The following CCP110 variants were observed in gnomAD, a reference collection of about 807,000 sequenced individuals.
CCP110 encodes centriolar coiled-coil protein 110.
In CCP110, 43 loss-of-function variants were observed where a neutral mutation model predicts 105.5. That is an observed-to-expected ratio of 0.41 (90% CI 0.32 to 0.53). The LOEUF is 0.53. Among genes scored for constraint, CCP110 ranks in the 20% least tolerant of loss-of-function variants. CCP110 has a pLI of 0.32. For synonymous variants in CCP110, 353 were observed against 392.1 expected, an observed-to-expected ratio of 0.90 and a Z score of 1.18; for missense variants, 1,016 against 1,189.1, an observed-to-expected ratio of 0.85 and a Z score of 2.14.
At chr16:19,551,704 T>C (rs888012020) in exon 15 of CCP110, 4 of 154,732 alleles carry the variant, frequency 2.6e-5, no homozygotes, top group South Asian at 4.0e-4. Flanking sequence ...CTTTCCCTCA[T>C]TTTATAACTT....
chr16:19,544,515 C>T (rs1970397304), intron 8 of CCP110, among the ~76,000 whole-genome samples: 1 of 152,064 alleles, frequency 6.6e-6, no homozygotes. Flanking sequence ...AACAATATAA[C>T]AACTATTTAC....
intron 12 of CCP110, chr16:19,547,527 ATAG>A (rs1970503990): frequency 6.3e-6 from 1 of 157,648 alleles, no homozygotes; most frequent in South Asian, 1.9e-4. Context: ...TATGGGTAAC[ATAG>A]TAAGACCCAT....
chr16:19,548,376 T>G lies in CCP110; in HGVS notation c.2901-139T>G, dbSNP rs1970529356. Reference sequence around the variant, plus strand: ...GAAGCCAGAGTTTAGCTTTCCTTACTGTGCGCATGCATGAGACTTCAGTTC... The same window carrying G: ...GAAGCCAGAGTTTAGCTTTCCTTACGGTGCGCATGCATGAGACTTCAGTTC... On this transcript the variant is annotated intron_variant, in intron 13 of 14. Coordinates refer to ENST00000381396, the Ensembl canonical transcript of CCP110. The surrounding 1 kb of genome is among the most constrained non-coding windows in gnomAD (Gnocchi z 4.1). 3.3e-6 allele frequency: 2 copies of G among 612,184 alleles called. No individual in the cohort carries two copies. Among genetic ancestry groups the G allele is most frequent in the Non-Finnish European group, 5.7e-6 (2 of 353,498 alleles). 37.9% of individuals were successfully genotyped at this position (612,184 alleles called of 1,614,324 possible).
intron 6 of CCP110, 78 bp downstream of exon 6, chr16:19,542,142 T>C: frequency 1.0e-6 from 1 of 967,194 alleles, no homozygotes; most frequent in South Asian, 1.8e-5. Flanking sequence ...TATAAGATTA[T>C]ATCTCCTGTT....
chr16:19,524,269 C>G (rs1207446894), intron 1 of CCP110, among the ~76,000 whole-genome samples, 181 bp downstream of exon 1: 1 of 152,072 alleles, frequency 6.6e-6, no homozygotes, highest in Non-Finnish European at 1.5e-5. Context: ...CAGCACCGGG[C>G]GCTGAGGTGA....
chr16:19,548,226 G>T lies in CCP110; in HGVS notation c.2900+212G>T. The T allele has an allele frequency of 6.9e-6, 4 of 577,288 alleles. No homozygotes were observed. The highest frequency in any genetic ancestry group is 9.2e-6 in the Non-Finnish European group (3 of 326,488). 35.8% of individuals were successfully genotyped at this position (577,288 alleles called of 1,614,324 possible). ...GTATTCTAATTACTGTCTTAAGTTG[G>T]GATGTTTTTACTTTTCATTTCATAC... On this transcript the variant is annotated intron_variant, in intron 13 of 14. Transcript: ENST00000381396. The surrounding 1 kb of genome is among the most constrained non-coding windows in gnomAD (Gnocchi z 4.1).
chr16:19,547,738 G>C lies in CCP110; in HGVS notation c.2841-217G>C. 8.4e-6 allele frequency: 4 copies of C among 478,326 alleles called. 1 individual carries two copies. The South Asian group carries it at 1.2e-4, about 14-fold the overall frequency. The allele number at this position is 478,326 out of a possible 1,614,324, so 29.6% of individuals were successfully genotyped here. A position where few individuals can be genotyped will look rare whatever the true frequency, so the allele number is the denominator to read the frequency against. ...TAGTCTATATGTTGGACATTTCTTT[G>C]CTGATAAAAACCTAAGGTTTGGACT... On this transcript the variant is annotated intron_variant, in intron 12 of 14. Transcript: ENST00000381396.
intron 2 of CCP110, 110 bp from the exon 3 acceptor site, chr16:19,532,306 T>C (rs1969897409): frequency 3.7e-6 from 3 of 800,428 alleles, no homozygotes; most frequent in Admixed American, 3.1e-5. Context: ...TCTTTCACTA[T>C]ACATTAGTTT....
chr16:19,543,632 A>G (rs1970364503), intron 8 of CCP110, among the ~76,000 whole-genome samples: 1 of 152,218 alleles, frequency 6.6e-6, no homozygotes, highest in Non-Finnish European at 1.5e-5. Context: ...CAAGTAGGGA[A>G]GATATTGCTA....
intron 12 of CCP110, chr16:19,547,684 A>G: frequency 3.4e-6 from 1 of 291,326 alleles, no homozygotes; most frequent in Non-Finnish European, 6.3e-6. Flanking sequence ...AAGCATATGT[A>G]TAAGAAAATT....
At chr16:19,545,282 G>T in intron 10 of CCP110, 72 bp downstream of exon 10, 1 of 761,360 alleles carries the variant, frequency 1.3e-6, no homozygotes, top group Non-Finnish European at 2.2e-6. Context: ...GTCAGTTTTG[G>T]TTGACTTCAG....
At chr16:19,545,820 A>G in exon 11 of CCP110, 2 of 1,590,692 alleles carry the variant, frequency 1.3e-6, no homozygotes, top group Non-Finnish European at 1.7e-6. Context: ...ATTAAAGGAT[A>G]AAATGAAAAG....
At chr16:19,523,948 T>C (rs1969572051) in exon 1 of CCP110, 1 of 154,238 alleles carries the variant, frequency 6.5e-6, no homozygotes, top group Non-Finnish European at 1.4e-5. Flanking sequence ...CGTTGCAGCC[T>C]GAGATCCGTA....
chr16:19,527,196 C>G (rs2151459159), intron 1 of CCP110: 1 of 152,230 alleles, frequency 6.6e-6, no homozygotes, highest in African/African-American at 2.4e-5. Flanking sequence ...TTTTTTACCT[C>G]TGACTGAGTT....
chr16:19,542,944 C>T (rs748648698), exon 8 of CCP110: 8 of 1,612,664 alleles, frequency 5.0e-6, no homozygotes, highest in African/African-American at 1.3e-5. Flanking sequence ...ATTTCTTACT[C>T]GTAGACTTAT....
At position 19,535,939 on chromosome 16, in the gene CCP110, G is replaced by T; in HGVS notation, c.271-1G>T. The T allele has an allele frequency of 6.5e-7, 1 of 1,546,716 alleles. No homozygotes were observed. Among genetic ancestry groups the T allele is most frequent in the South Asian group, 1.2e-5 (1 of 81,792 alleles). On this transcript the variant is annotated splice_acceptor_variant, in intron 3 of 14. Coordinates refer to ENST00000381396, the Ensembl canonical transcript of CCP110. LOFTEE classifies it high-confidence loss of function. Reference sequence around the variant, plus strand: ...ATTAATTTTTAAATTTCCTGTTTCAGGTTAGAAAAGCACCTAATGCCAGTG... The same window carrying T: ...ATTAATTTTTAAATTTCCTGTTTCATGTTAGAAAAGCACCTAATGCCAGTG...
intron 3 of CCP110, among the ~76,000 whole-genome samples, chr16:19,534,007 A>C (rs1327979004): frequency 6.6e-6 from 1 of 152,192 alleles, no homozygotes; most frequent in African/African-American, 2.4e-5. Flanking sequence ...AAAGAGAACA[A>C]TCTAGACGCA....
exon 4 of CCP110, chr16:19,537,480 T>C (rs757790472): frequency 3.1e-6 from 5 of 1,612,120 alleles, no homozygotes; most frequent in Non-Finnish European, 3.4e-6. Context: ...CCTTATGTCA[T>C]AACAAGTGGA....
At chr16:19,531,915 G>A (rs574188481) in intron 2 of CCP110, among the ~76,000 whole-genome samples, 42 of 149,134 alleles carry the variant, frequency 2.8e-4, no homozygotes, top group African/African-American at 8.7e-4. Flanking sequence ...GCAGTGAGCC[G>A]AGATCGCACC....
Sources: gnomAD v4.1 joint callset for allele counts (sites outside exome capture counted in the v4.1 genomes callset) on GRCh38, gnomAD v4.1.1 for gene constraint, Gnocchi (gnomAD v3.1) non-coding constraint, MANE v1.5 for transcripts, NCBI Gene and HGNC (gene_info 2026-07-23, HGNC 2026-07-21) for gene names.